EIF4G3: variants seen among roughly 807,000 people sequenced by gnomAD.
EIF4G3 encodes the protein eIF-4-gamma 3.
A neutral mutation model predicts 186.4 loss-of-function variants in EIF4G3; 34 were observed. The ratio of observed to expected loss-of-function variants is 0.18; its 90% CI spans 0.14 to 0.24. The LOEUF is 0.24. EIF4G3 is among the 10% of genes least tolerant of loss of function. EIF4G3 has a pLI of 1.00. For synonymous variants in EIF4G3, 673 were observed against 679.5 expected (o/e 0.99, Z 0.15); for missense variants, 1,536 against 1,948.5 (o/e 0.79, Z 3.99).
chr1:21,168,450 T>C (rs560825652), intron 2 of EIF4G3, among the ~76,000 whole-genome samples: 2 of 152,038 alleles, frequency 1.3e-5, no homozygotes, highest in South Asian at 4.2e-4. Flanking sequence ...TGGGGGACAG[T>C]CTTGCCCTTT....
chr1:21,072,065 T>C (rs1179289887), intron 3 of EIF4G3, among the ~76,000 whole-genome samples: 1 of 152,214 alleles, frequency 6.6e-6, no homozygotes, highest in African/African-American at 2.4e-5. Flanking sequence ...AGAGAAAATA[T>C]ATTTAACACA....
At chr1:21,025,153 C>T (rs1409193014) in intron 4 of EIF4G3, among the ~76,000 whole-genome samples, 1 of 152,072 alleles carries the variant, frequency 6.6e-6, no homozygotes, top group African/African-American at 2.4e-5. Flanking sequence ...ACCATAAACA[C>T]GTCAGTAATG....
At chr1:20,978,793 C>T (rs540378435) in intron 10 of EIF4G3, among the ~76,000 whole-genome samples, 1 of 151,826 alleles carries the variant, frequency 6.6e-6, no homozygotes, top group Admixed American at 6.6e-5. Context: ...TTGCGTATCA[C>T]TTTGAAATAG....
intron 7 of EIF4G3, among the ~76,000 whole-genome samples, chr1:20,989,676 A>T (rs2080599927): frequency 6.6e-6 from 1 of 152,124 alleles, no homozygotes; most frequent in Non-Finnish European, 1.5e-5. Flanking sequence ...GAGCAAAAAA[A>T]AAGTGATTTC....
chr1:21,053,704 C>T (rs12755483), intron 3 of EIF4G3, among the ~76,000 whole-genome samples: 3 of 142,328 alleles, frequency 2.1e-5, no homozygotes, highest in African/African-American at 7.6e-5. Context: ...CCAGCCGCCC[C>T]GTCCGGGAAG....
At chr1:21,075,173 C>T (rs2095548423) in intron 3 of EIF4G3, among the ~76,000 whole-genome samples, 1 of 151,986 alleles carries the variant, frequency 6.6e-6, no homozygotes, top group Non-Finnish European at 1.5e-5. Context: ...TCAATAATAA[C>T]CATGAATGTA....
At chr1:20,877,585 GC>G (rs1422294173) in intron 20 of EIF4G3, among the ~76,000 whole-genome samples, 1 of 152,028 alleles carries the variant, frequency 6.6e-6, no homozygotes, top group Non-Finnish European at 1.5e-5. Flanking sequence ...TCATTCTATA[GC>G]CAACATTCAA....
At chr1:20,943,856 T>G (rs1209742989) in intron 13 of EIF4G3, among the ~76,000 whole-genome samples, 6 of 152,154 alleles carry the variant, frequency 3.9e-5, no homozygotes, top group Non-Finnish European at 5.9e-5. Context: ...AAAATTGGAC[T>G]TTTCTTAGTT....
rs79184319 is a variant in EIF4G3 at position 20,964,471 on chromosome 1, C to T, written c.714+5003G>A. On this transcript the variant is annotated intron_variant, in intron 12 of 36. Transcript: ENST00000602326. The stretch of plus-strand genomic sequence containing the variant: ...AGATACAAAATCTCTACTAGCTAAC[C>T]CACAGAAAATTTTAAGACTTTGAAG... 5.9e-5 allele frequency among the ~76,000 whole-genome samples: 9 copies of T among 152,222 alleles called. No homozygotes were observed. The East Asian group carries it at 1.7e-3, about 29-fold the overall frequency.
chr1:20,945,428 G>C lies in EIF4G3; in HGVS notation c.824-3098C>G, dbSNP rs112023177. ...ATATTTAAAATATGTTTTTAAAAGA[G>C]TATTTAATGATATGGAAAGTTGTTT... On this transcript the variant is annotated intron_variant, in intron 13 of 36. Transcript: ENST00000602326. 4.3e-3 allele frequency among the ~76,000 whole-genome samples: 654 copies of C among 152,266 alleles called. 1 individual carries two copies. The highest frequency in any genetic ancestry group is 0.015 in the African/African-American group (628 of 41,560).
chr1:20,815,226 G>A (rs1459620190), intron 34 of EIF4G3, among the ~76,000 whole-genome samples: 4 of 92,508 alleles, frequency 4.3e-5, no homozygotes, highest in African/African-American at 1.2e-4. Context: ...AGTGAGGAGC[G>A]TCTCTGCCTG....
At chr1:21,094,110 T>A (rs34073408) in intron 2 of EIF4G3, among the ~76,000 whole-genome samples, 81,882 of 148,126 alleles carry the variant, frequency 0.55, 22,386 homozygotes, top group South Asian at 0.6. Flanking sequence ...ATAAAAAAAA[T>A]TTTTTTTTTT....
chr1:20,940,847 A>C (rs976835771), intron 14 of EIF4G3, among the ~76,000 whole-genome samples: 1 of 152,218 alleles, frequency 6.6e-6, no homozygotes, highest in Non-Finnish European at 1.5e-5. Context: ...CTACATTAAA[A>C]AGAAATAATT....
chr1:20,933,016 T>C (rs1389468918), intron 14 of EIF4G3, among the ~76,000 whole-genome samples: 1 of 152,184 alleles, frequency 6.6e-6, no homozygotes, highest in South Asian at 2.1e-4. Context: ...ATCTCCAGGC[T>C]TCTAGAACAC....
At position 21,018,561 on chromosome 1, in the gene EIF4G3, TA is replaced by T. The variant is rs34620306; in HGVS notation, c.-66-15754del. Among the ~76,000 whole-genome samples the T allele has an allele frequency of 6.5e-3, 923 of 142,024 alleles. 2 individuals carry two copies. The highest frequency in any genetic ancestry group is 9.5e-3 in the African/African-American group (369 of 38,898). The allele number at this position is 142,024 out of a possible 152,430, so 93.2% of individuals were successfully genotyped here. On this transcript the variant is annotated intron_variant, in intron 4 of 36. Coordinates refer to ENST00000602326, the MANE Select transcript of EIF4G3 (RefSeq NM_001391906.1). The stretch of plus-strand genomic sequence containing the variant: ...GGCAACAGAGCTAGACTCCTTCTCT[TA>T]AAAAAAAAAAAAAATTAAGGTGGTA...
At chr1:21,053,164 T>C (rs1329594815) in intron 3 of EIF4G3, among the ~76,000 whole-genome samples, 4 of 148,702 alleles carry the variant, frequency 2.7e-5, no homozygotes, top group Non-Finnish European at 5.9e-5. Context: ...GCCCATCGTC[T>C]GAGATGTGGG....
intron 29 of EIF4G3, among the ~76,000 whole-genome samples, chr1:20,847,079 A>G (rs2071371350): frequency 6.6e-6 from 1 of 152,186 alleles, no homozygotes; most frequent in Admixed American, 6.5e-5. Flanking sequence ...GAAGCTAGAA[A>G]CTTAGCTTTG....
At chr1:20,907,546 C>T (rs1173241979) in intron 14 of EIF4G3, among the ~76,000 whole-genome samples, 1 of 149,948 alleles carries the variant, frequency 6.7e-6, no homozygotes, top group East Asian at 2.0e-4. Flanking sequence ...CCCCCCTCCC[C>T]CAACCCCACA....
intron 10 of EIF4G3, among the ~76,000 whole-genome samples, chr1:20,975,072 G>A (rs1319629327): frequency 6.6e-6 from 1 of 151,952 alleles, no homozygotes; most frequent in African/African-American, 2.4e-5. Context: ...TATCAATCAG[G>A]TTTGCTGAAT....
Sources: gnomAD v4.1 joint callset for allele counts (sites outside exome capture counted in the v4.1 genomes callset) on GRCh38, gnomAD v4.1.1 for gene constraint, MANE v1.5 for transcripts, NCBI Gene and HGNC (gene_info 2026-07-23, HGNC 2026-07-21) for gene names.